Variants in RTF1 observed in about 807,000 individuals in gnomAD.
RTF1 encodes the protein RNA polymerase-associated protein RTF1 homolog.
In RTF1, 10 loss-of-function variants were observed where a neutral mutation model predicts 95.7. The ratio of observed to expected loss-of-function variants is 0.10; its 90% CI spans 0.06 to 0.18. RTF1 has a LOEUF of 0.18. Ranked by LOEUF, RTF1 falls within the 10% of genes least tolerant of loss-of-function variation. RTF1 has a pLI of 1.00. For missense variants in RTF1, 458 were observed against 875.6 expected, an observed-to-expected ratio of 0.52 and a Z score of 6.02; for synonymous variants, 305 against 311.8, an observed-to-expected ratio of 0.98 and a Z score of 0.23.
At chr15:41,439,036 CT>C (rs548361947) in intron 2 of RTF1, among the ~76,000 whole-genome samples, 105 of 92,192 alleles carry the variant, frequency 1.1e-3, no homozygotes, top group Non-Finnish European at 1.3e-3. Context: ...CTTTTATTTT[CT>C]TTTTTTTTTT....
chr15:41,462,759 ATTG>A (rs150245977), intron 4 of RTF1, among the ~76,000 whole-genome samples: 3 of 151,792 alleles, frequency 2.0e-5, no homozygotes, highest in Admixed American at 6.6e-5. Context: ...GTTTATTATT[ATTG>A]TTGTTGTTAT....
intron 3 of RTF1, among the ~76,000 whole-genome samples, chr15:41,457,455 C>T (rs1304091547): frequency 6.6e-6 from 1 of 151,894 alleles, no homozygotes; most frequent in Non-Finnish European, 1.5e-5. Context: ...ATCGCTTGAA[C>T]CCGGGAGGTG....
intron 3 of RTF1, among the ~76,000 whole-genome samples, chr15:41,457,290 C>T (rs1372143149): frequency 6.6e-6 from 1 of 151,748 alleles, no homozygotes; most frequent in East Asian, 1.9e-4. Context: ...AATCCCAGCA[C>T]TGGGAGGCCG....
At chr15:41,477,931 C>T (rs528972131) in intron 14 of RTF1, among the ~76,000 whole-genome samples, 1 of 151,284 alleles carries the variant, frequency 6.6e-6, no homozygotes, top group East Asian at 1.9e-4. Context: ...CATGACAAAA[C>T]CCTGTCTCTC....
intron 4 of RTF1, among the ~76,000 whole-genome samples, chr15:41,458,398 A>G (rs1353077770): frequency 6.6e-6 from 1 of 152,208 alleles, no homozygotes; most frequent in Non-Finnish European, 1.5e-5. Context: ...ATCTGACACC[A>G]TAAAACACGC....
chr15:41,438,384 C>A lies in RTF1; in HGVS notation c.262C>A (p.Gln88Lys). 1 of 1,551,308 alleles carries A rather than the reference C, an allele frequency of 6.4e-7. No individual in the cohort carries two copies. The highest frequency in any genetic ancestry group is 1.2e-5 in the South Asian group (1 of 84,034). The stretch of plus-strand genomic sequence containing the variant: ...TGAGGAGAAGGAGCCGCCTGTGAGT[C>A]AGCCTGCAGCCTCGTCAGACTCGGA... ...DSEEKEPPVS[Q>K]PAASSDSETS... Residue 88 changes from glutamine to lysine, a missense_variant, in exon 2 of 18, where the codon CAG (glutamine) becomes AAG (lysine). Physicochemically the swap from Gln to Lys is moderately conservative, Grantham distance 53. This residue lies in a region of RTF1 where 44 missense variants were observed against 99.5 expected (regional missense o/e 0.44). Coordinates refer to ENST00000389629, the MANE Select transcript of RTF1 (RefSeq NM_015138.5).
intron 2 of RTF1, among the ~76,000 whole-genome samples, chr15:41,447,336 A>ACCAGTCCC (rs1292991508): frequency 6.6e-6 from 1 of 152,112 alleles, no homozygotes. Flanking sequence ...TTCCAGAGCA[A>ACCAGTCCC]CCAGTCCCCG....
chr15:41,470,564 G>A (rs2050904986), intron 7 of RTF1, among the ~76,000 whole-genome samples, 172 bp downstream of exon 7: 1 of 150,956 alleles, frequency 6.6e-6, no homozygotes, highest in Admixed American at 6.6e-5. Context: ...CTGCTAGCCT[G>A]TACGCTTAGA....
intron 6 of RTF1, among the ~76,000 whole-genome samples, chr15:41,468,065 T>G (rs2050889274): frequency 6.6e-6 from 1 of 151,668 alleles, no homozygotes; most frequent in South Asian, 2.1e-4. Flanking sequence ...CTTGTGGGGC[T>G]GAGGCACTGA....
intron 1 of RTF1, among the ~76,000 whole-genome samples, chr15:41,426,806 TG>T (rs2140945730): frequency 1.4e-5 from 2 of 139,236 alleles, no homozygotes; most frequent in African/African-American, 5.3e-5. Flanking sequence ...TGTGTGTGTG[TG>T]TGTGTGTGTG....
chr15:41,463,909 T>G (rs1378495474), intron 4 of RTF1, among the ~76,000 whole-genome samples: 1 of 151,988 alleles, frequency 6.6e-6, no homozygotes, highest in Non-Finnish European at 1.5e-5. Flanking sequence ...TGGAGTGCAG[T>G]GGCGTGATCT....
chr15:41,438,540 C>G (rs1478751794), intron 2 of RTF1, 109 bp downstream of exon 2: 4 of 640,636 alleles, frequency 6.2e-6, no homozygotes, highest in African/African-American at 5.5e-5. Flanking sequence ...AGCCTAAGAT[C>G]TACAAGAATT....
Position 41,480,893 on chromosome 15 carries a change from G to C in RTF1, c.*206G>C. The C allele has an allele frequency of 5.2e-6, 3 of 578,730 alleles. No individual in the cohort carries two copies. The highest frequency in any genetic ancestry group is 9.3e-6 in the Non-Finnish European group (3 of 323,404). 35.8% of individuals were successfully genotyped at this position (578,730 alleles called of 1,614,324 possible). ...TCTCCCACCAGCCTCCCCTCCCCCAGGGCCCCACCCAGTGTGGGCCTGGGC... is the reference window on the plus strand; with the variant it reads ...TCTCCCACCAGCCTCCCCTCCCCCACGGCCCCACCCAGTGTGGGCCTGGGC... On this transcript the variant is annotated 3_prime_UTR_variant, in exon 18 of 18. Transcript: ENST00000389629.
chr15:41,417,865 A>G (rs1458315833), intron 1 of RTF1, among the ~76,000 whole-genome samples: 5 of 152,156 alleles, frequency 3.3e-5, no homozygotes, highest in African/African-American at 1.2e-4. Flanking sequence ...AGCTGTGGGC[A>G]CGAGTTTATT....
intron 4 of RTF1, among the ~76,000 whole-genome samples, chr15:41,459,397 TAG>T (rs2140961581): frequency 6.6e-6 from 1 of 152,210 alleles, no homozygotes; most frequent in African/African-American, 2.4e-5. Context: ...AGGGGAATTA[TAG>T]AGATTGTTTT....
chr15:41,470,650 C>CTTTTTTTT (rs58221683), intron 7 of RTF1, among the ~76,000 whole-genome samples: 8 of 75,488 alleles, frequency 1.1e-4, no homozygotes, highest in African/African-American at 1.5e-4. Context: ...CATTCATTTT[C>CTTTTTTTT]TTTTTTTTTT....
chr15:41,423,494 C>T (rs958890158), intron 1 of RTF1, among the ~76,000 whole-genome samples: 3 of 151,946 alleles, frequency 2.0e-5, no homozygotes, highest in Admixed American at 6.6e-5. Flanking sequence ...CTTAGCCTCC[C>T]GAGTAGCTGG....
intron 1 of RTF1, among the ~76,000 whole-genome samples, chr15:41,419,292 C>G (rs973991180): frequency 6.6e-6 from 1 of 152,064 alleles, no homozygotes; most frequent in African/African-American, 2.4e-5. Flanking sequence ...CTAGAGTAGG[C>G]ACTTTAATTG....
At chr15:41,435,536 T>G (rs1009560958) in intron 1 of RTF1, among the ~76,000 whole-genome samples, 2 of 152,152 alleles carry the variant, frequency 1.3e-5, no homozygotes, top group Non-Finnish European at 2.9e-5. Flanking sequence ...ATTTGGTCCA[T>G]AGAGTTAACA....
Sources: gnomAD v4.1 joint callset for allele counts (sites outside exome capture counted in the v4.1 genomes callset) on GRCh38, gnomAD v4.1.1 for gene constraint, gnomAD v4.1.1 regional missense constraint, MANE v1.5 for transcripts, NCBI Gene and HGNC (gene_info 2026-07-23, HGNC 2026-07-21) for gene names.